The following SESTD1 variants were observed in gnomAD, a reference collection of about 807,000 sequenced individuals.
SESTD1 encodes SEC14 domain and spectrin repeat-containing protein 1.
A neutral mutation model predicts 101.7 loss-of-function variants in SESTD1; 43 were observed. The ratio of observed to expected loss-of-function variants is 0.42; its 90% CI spans 0.33 to 0.55. The LOEUF (loss-of-function observed/expected upper bound fraction) is 0.55, where lower values mean the gene tolerates loss of function less well. Among genes scored for constraint, SESTD1 ranks in the 20% least tolerant of loss-of-function variants. SESTD1 has a pLI of 0.07. For synonymous variants in SESTD1, 283 were observed against 286.8 expected (o/e 0.99, Z 0.13); for missense variants, 647 against 815.1 (o/e 0.79, Z 2.51).
chr2:179,163,539 C>T (rs1479140537), intron 5 of SESTD1, among the ~76,000 whole-genome samples: 1 of 141,728 alleles, frequency 7.1e-6, no homozygotes, highest in Non-Finnish European at 1.5e-5. Flanking sequence ...ATAAAGGGAA[C>T]AAGAATAAAA....
intron 1 of SESTD1, among the ~76,000 whole-genome samples, chr2:179,262,155 T>C (rs1460308828): frequency 2.0e-5 from 3 of 152,092 alleles, no homozygotes; most frequent in South Asian, 2.1e-4. Context: ...ATGTCCAAAA[T>C]AGGCAAATCC....
intron 1 of SESTD1, among the ~76,000 whole-genome samples, chr2:179,194,303 G>A (rs146475451): frequency 1.3e-4 from 20 of 152,060 alleles, no homozygotes; most frequent in African/African-American, 4.8e-4. Context: ...TCTCATTTTG[G>A]CCTCAGAAAA....
intron 1 of SESTD1, among the ~76,000 whole-genome samples, chr2:179,199,190 A>C (rs984973150): frequency 6.6e-6 from 1 of 152,068 alleles, no homozygotes; most frequent in African/African-American, 2.4e-5. Flanking sequence ...TACGCAAATA[A>C]ACTAGAAAAT....
chr2:179,126,120 G>A (rs56109193), intron 10 of SESTD1, among the ~76,000 whole-genome samples: 26,719 of 152,000 alleles, frequency 0.18, 2,661 homozygotes, highest in South Asian at 0.28. Flanking sequence ...ATTTTACTAC[G>A]CTGAAATTAA....
chr2:179,130,466 C>T (rs2044985323), intron 10 of SESTD1, among the ~76,000 whole-genome samples: 1 of 151,922 alleles, frequency 6.6e-6, no homozygotes, highest in Non-Finnish European at 1.5e-5. Flanking sequence ...AATACAAAAC[C>T]AACATCTGAA....
At chr2:179,229,749 T>TATATATA (rs2046950405) in intron 1 of SESTD1, among the ~76,000 whole-genome samples, 1 of 106,362 alleles carries the variant, frequency 9.4e-6, no homozygotes, top group African/African-American at 3.3e-5. Flanking sequence ...TTGTAAGAAC[T>TATATATA]TATATATATA....
In SESTD1 at chr2:179,138,032, C is replaced by T. The variant is rs867416480; in HGVS notation, c.849+5560G>A. On this transcript the variant is annotated intron_variant, in intron 9 of 17. Coordinates refer to ENST00000428443, the MANE Select transcript of SESTD1 (RefSeq NM_178123.5). ...ATATAGATATTTCCTTAAAATGTGA[C>T]CTGTGAAAAACAGAGTACAGAAAAC... Among the ~76,000 whole-genome samples, 23 of 152,100 alleles carry T rather than the reference C, an allele frequency of 1.5e-4. No individual in the cohort carries two copies. In the Middle Eastern group the frequency reaches 0.014, roughly 90 times the overall value.
At chr2:179,161,129 C>T (rs952397094) in intron 5 of SESTD1, among the ~76,000 whole-genome samples, 20 of 149,720 alleles carry the variant, frequency 1.3e-4, no homozygotes, top group Non-Finnish European at 2.7e-4. Context: ...ATTATGTTGC[C>T]CAGGCTGGTT....
intron 5 of SESTD1, chr2:179,162,471 A>G (rs2045754376): frequency 6.6e-6 from 1 of 152,194 alleles, no homozygotes; most frequent in Non-Finnish European, 1.5e-5. Flanking sequence ...TCAATGCAGT[A>G]TGTCACTGAT....
Position 179,213,137 on chromosome 2 carries a change from G to A in SESTD1, c.-25-21271C>T, listed in dbSNP as rs2046672776. On this transcript the variant is annotated intron_variant, in intron 1 of 17. Coordinates refer to ENST00000428443, the MANE Select transcript of SESTD1 (RefSeq NM_178123.5). ...AGCCAGCAAAGGAACAAAGCTGGAT[G>A]GAGAATGACTGTAACAAATTGACAG... Among the ~76,000 whole-genome samples, 2 of 135,092 alleles carry A rather than the reference G, an allele frequency of 1.5e-5. 1 individual carries two copies. Among genetic ancestry groups the A allele is most frequent in the South Asian group, 5.6e-4 (2 of 3,560 alleles). 88.6% of individuals were successfully genotyped at this position (135,092 alleles called of 152,430 possible).
intron 7 of SESTD1, among the ~76,000 whole-genome samples, chr2:179,148,345 T>C (rs2045440741): frequency 6.6e-6 from 1 of 152,202 alleles, no homozygotes; most frequent in Non-Finnish European, 1.5e-5. Flanking sequence ...GCCTGAATAG[T>C]TAATTTGCTT....
chr2:179,196,689 A>C (rs928163333), intron 1 of SESTD1, among the ~76,000 whole-genome samples: 29 of 152,098 alleles, frequency 1.9e-4, no homozygotes, highest in African/African-American at 6.0e-4. Flanking sequence ...CACCCCCCAG[A>C]AGGGGCAGAC....
chr2:179,182,851 G>A (rs958567731), intron 3 of SESTD1, among the ~76,000 whole-genome samples: 3 of 151,874 alleles, frequency 2.0e-5, no homozygotes, highest in African/African-American at 4.8e-5. Flanking sequence ...CTTAAAAGTC[G>A]ACAATACATA....
chr2:179,150,098 A>G (rs1237276550), intron 6 of SESTD1, among the ~76,000 whole-genome samples: 1 of 152,086 alleles, frequency 6.6e-6, no homozygotes, highest in East Asian at 1.9e-4. Flanking sequence ...GGTGGCATGC[A>G]CTTGCAGTCC....
At chr2:179,251,037 A>G (rs926537334) in intron 1 of SESTD1, among the ~76,000 whole-genome samples, 2 of 152,178 alleles carry the variant, frequency 1.3e-5, no homozygotes, top group Admixed American at 6.5e-5. Flanking sequence ...ATATCCTTCA[A>G]TGGGTGAATA....
rs2045327713 is a variant in SESTD1 at position 179,143,583 on chromosome 2, G to C, written c.849+9C>G. ...AAAAGAGTTAAATATATTCAAATCA[G>C]ACACCTACCTGCATTACCTTCTGTT... On this transcript the variant is annotated intron_variant, in intron 9 of 17. Transcript: ENST00000428443. The C allele has an allele frequency of 3.1e-6, 5 of 1,612,336 alleles. No individual in the cohort carries two copies. The highest frequency in any genetic ancestry group is 3.3e-4 in the Middle Eastern group (2 of 6,056).
At chr2:179,242,766 C>T (rs1355097722) in intron 1 of SESTD1, among the ~76,000 whole-genome samples, 1 of 152,030 alleles carries the variant, frequency 6.6e-6, no homozygotes, top group East Asian at 1.9e-4. Flanking sequence ...AGAATGAAAC[C>T]GGACAGTACC....
At chr2:179,119,894 G>A (rs759952530) in intron 13 of SESTD1, among the ~76,000 whole-genome samples, 2 of 152,172 alleles carry the variant, frequency 1.3e-5, no homozygotes, top group Non-Finnish European at 2.9e-5. Flanking sequence ...TTCCTGTACA[G>A]CCTGTGGGAC....
chr2:179,145,293 C>T (rs770770791), intron 8 of SESTD1, among the ~76,000 whole-genome samples: 5 of 152,032 alleles, frequency 3.3e-5, no homozygotes, highest in Non-Finnish European at 7.4e-5. Context: ...AAAGAGCATG[C>T]CTTGAAATCA....
Sources: allele counts gnomAD v4.1 joint callset (sites outside exome capture counted in the v4.1 genomes callset), GRCh38; gene constraint gnomAD v4.1.1; transcripts MANE v1.5; gene names NCBI Gene and HGNC (gene_info 2026-07-23, HGNC 2026-07-21).